The following TSHZ2 variants were observed in gnomAD, a reference collection of about 807,000 sequenced individuals.
TSHZ2 encodes teashirt zinc finger homeobox 2.
Under a neutral mutation model 74.4 loss-of-function variants are expected in TSHZ2, and 21 were observed. The ratio of observed to expected loss-of-function variants is 0.28; its 90% CI spans 0.20 to 0.41. The LOEUF (loss-of-function observed/expected upper bound fraction) is 0.41, where lower values mean the gene tolerates loss of function less well. TSHZ2 is among the 10% of genes least tolerant of loss of function. The probability of loss-of-function intolerance (pLI) is 1.00; values close to 1 mark genes in which losing one functional copy is unlikely to be tolerated. For missense variants in TSHZ2, 1,244 were observed against 1,293.5 expected (o/e 0.96, Z 0.59); for synonymous variants, 540 against 515.3 (o/e 1.05, Z -0.65).
intron 2 of TSHZ2, among the ~76,000 whole-genome samples, chr20:53,288,392 C>T (rs915953924): frequency 3.7e-5 from 5 of 133,568 alleles, no homozygotes; most frequent in African/African-American, 8.8e-5. Context: ...GCCTGGGTGA[C>T]AGAGCAAGAC....
At chr20:53,179,971 G>A (rs1002841491) in intron 1 of TSHZ2, among the ~76,000 whole-genome samples, 6 of 152,264 alleles carry the variant, frequency 3.9e-5, no homozygotes, top group Admixed American at 1.3e-4. Flanking sequence ...CAGAATAACC[G>A]TAATGGAAAC....
At chr20:53,169,578 T>A (rs149712404) in intron 1 of TSHZ2, among the ~76,000 whole-genome samples, 7 of 152,340 alleles carry the variant, frequency 4.6e-5, no homozygotes, top group African/African-American at 1.4e-4. Flanking sequence ...TCCTGGCATA[T>A]AGTAAGCCCC....
At chr20:53,472,824 G>C (rs970664303) in intron 2 of TSHZ2, among the ~76,000 whole-genome samples, 2 of 151,972 alleles carry the variant, frequency 1.3e-5, no homozygotes, top group African/African-American at 4.8e-5. Flanking sequence ...CCGAAGCAGG[G>C]TGAGGCATTG....
intron 1 of TSHZ2, among the ~76,000 whole-genome samples, chr20:53,156,599 A>G (rs915638211): frequency 6.6e-6 from 1 of 152,172 alleles, no homozygotes; most frequent in African/African-American, 2.4e-5. Flanking sequence ...CATCCAGCAA[A>G]TGTCAGGACT....
chr20:53,405,065 C>G (rs1982793541), intron 2 of TSHZ2, among the ~76,000 whole-genome samples: 1 of 152,082 alleles, frequency 6.6e-6, no homozygotes, highest in African/African-American at 2.4e-5. Flanking sequence ...GCCTGGCCAC[C>G]AGGGCGAAAA....
In TSHZ2 at chr20:53,140,012, C is replaced by A. The variant is rs558372879; in HGVS notation, c.41-113487C>A. ...CTGGATCTTAATTTTCTCAGTCCTT[C>A]ATTAATTCGTTCGACAAATATTTAC... is the stretch of plus-strand genomic sequence containing the variant. On this transcript the variant is annotated intron_variant, in intron 1 of 2. Transcript: ENST00000371497. 3.3e-5 allele frequency among the ~76,000 whole-genome samples: 5 copies of A among 152,198 alleles called. No homozygotes were observed. The East Asian group carries it at 5.8e-4, about 18-fold the overall frequency.
chr20:53,067,467 A>C (rs527819034), intron 1 of TSHZ2, among the ~76,000 whole-genome samples: 1 of 152,348 alleles, frequency 6.6e-6, no homozygotes, highest in African/African-American at 2.4e-5. Flanking sequence ...AAATTTGAGA[A>C]TTGTCACTGA....
intron 2 of TSHZ2, among the ~76,000 whole-genome samples, chr20:53,435,518 A>T (rs957318239): frequency 6.6e-6 from 1 of 152,060 alleles, no homozygotes; most frequent in Non-Finnish European, 1.5e-5. Context: ...TTTTTAAATT[A>T]ATTTATTTAT....
chr20:53,142,622 C>G (rs1053124245), intron 1 of TSHZ2, among the ~76,000 whole-genome samples: 24 of 152,334 alleles, frequency 1.6e-4, no homozygotes, highest in Admixed American at 1.6e-3. Flanking sequence ...AAGTTCAGAA[C>G]AACAGCCTGC....
chr20:53,235,890 C>T (rs886207056), intron 1 of TSHZ2, among the ~76,000 whole-genome samples: 4 of 152,204 alleles, frequency 2.6e-5, no homozygotes, highest in Non-Finnish European at 2.9e-5. Context: ...GCTCATCTTC[C>T]TGTGAAGCAG....
Position 53,254,415 on chromosome 20 carries a change from G to A in TSHZ2, c.957G>A (p.Pro319=), listed in dbSNP as rs45562541. Residue 319 remains proline, a synonymous_variant, in exon 2 of 3, where the codon CCG becomes CCA. Transcript: ENST00000371497. ...CCATTTCCTCGAAAATGGTCACCCC[G>A]GCTAAGAAACGCGTTTTTGATGTCA... ...VPTISSKMVT[P]AKKRVFDVNR... 1,060 of 1,613,422 alleles carry A rather than the reference G, an allele frequency of 6.6e-4. 1 individual carries two copies. The highest frequency in any genetic ancestry group is 8.5e-4 in the Non-Finnish European group (1,000 of 1,179,436).
intron 1 of TSHZ2, among the ~76,000 whole-genome samples, chr20:53,051,509 T>TG (rs1439267289): frequency 4.1e-5 from 6 of 146,774 alleles, no homozygotes; most frequent in Admixed American, 1.4e-4. Context: ...CAGGTGGATT[T>TG]GCACTGGAGC....
At chr20:53,478,829 G>A (rs982675183) in intron 2 of TSHZ2, among the ~76,000 whole-genome samples, 6 of 151,774 alleles carry the variant, frequency 4.0e-5, no homozygotes, top group South Asian at 4.2e-4. Context: ...TCTAGATCGG[G>A]TGGCCAGCCT....
intron 1 of TSHZ2, among the ~76,000 whole-genome samples, chr20:53,057,833 G>C (rs1201358205): frequency 6.6e-6 from 1 of 152,212 alleles, no homozygotes; most frequent in East Asian, 1.9e-4. Context: ...AAAGTCCATT[G>C]TGAAGGATGG....
At chr20:53,342,518 C>A (rs1485397854) in intron 2 of TSHZ2, among the ~76,000 whole-genome samples, 1 of 152,126 alleles carries the variant, frequency 6.6e-6, no homozygotes, top group Non-Finnish European at 1.5e-5. Context: ...TTAATAACAT[C>A]AATTCATAGT....
intron 2 of TSHZ2, among the ~76,000 whole-genome samples, chr20:53,311,741 AG>A (rs1195872452): frequency 3.3e-5 from 5 of 152,178 alleles, no homozygotes; most frequent in African/African-American, 1.2e-4. Context: ...CATCTTCATG[AG>A]GAGAAGATTC....
chr20:53,356,069 C>A (rs1980835181), intron 2 of TSHZ2, among the ~76,000 whole-genome samples: 1 of 152,198 alleles, frequency 6.6e-6, no homozygotes, highest in South Asian at 2.1e-4. Context: ...CAGGACATTG[C>A]ATTGCAGGCC....
At chr20:53,289,461 A>C (rs1991239735) in intron 2 of TSHZ2, among the ~76,000 whole-genome samples, 1 of 152,182 alleles carries the variant, frequency 6.6e-6, no homozygotes, top group Non-Finnish European at 1.5e-5. Flanking sequence ...TTTCTACCGC[A>C]TCCACACCAA....
At chr20:53,020,101 C>T (rs2123029938) in intron 1 of TSHZ2, among the ~76,000 whole-genome samples, 1 of 152,206 alleles carries the variant, frequency 6.6e-6, no homozygotes, top group East Asian at 1.9e-4. Context: ...CCCCGCACTA[C>T]CATGAGAACA....
Sources: gnomAD v4.1 joint callset for allele counts (sites outside exome capture counted in the v4.1 genomes callset) on GRCh38, gnomAD v4.1.1 for gene constraint, MANE v1.5 for transcripts, NCBI Gene and HGNC (gene_info 2026-07-23, HGNC 2026-07-21) for gene names.